FREM2: variants seen among roughly 807,000 people sequenced by gnomAD.
FREM2 encodes FRAS1 related extracellular matrix 2.
FREM2 carries 119 observed loss-of-function variants against 219.9 expected under a neutral mutation model. That is an observed-to-expected ratio of 0.54 (90% CI 0.47 to 0.63). The LOEUF (loss-of-function observed/expected upper bound fraction) is 0.63, where lower values mean the gene tolerates loss of function less well. FREM2 is among the 30% of genes least tolerant of loss of function. The pLI, the probability that FREM2 is intolerant of heterozygous loss-of-function variation, is 0.00. For synonymous variants in FREM2, 1,562 were observed against 1,522.8 expected (o/e 1.03, Z -0.60); for missense variants, 4,030 against 3,993.6 (o/e 1.01, Z -0.25).
At chr13:38,862,527 T>C (rs988092715) in intron 15 of FREM2, among the ~76,000 whole-genome samples, 22 of 152,214 alleles carry the variant, frequency 1.4e-4, no homozygotes, top group Non-Finnish European at 2.9e-4. Context: ...CTTTGCGTTT[T>C]CTGAATGCAC....
At chr13:38,880,154 TTAAG>T (rs1404038269) in intron 23 of FREM2, 126 bp from the exon 24 acceptor site, 14 of 1,007,126 alleles carry the variant, frequency 1.4e-5, no homozygotes, top group Admixed American at 1.0e-4. Context: ...TTCAAAAATA[TTAAG>T]TAAGTTAATT....
chr13:38,793,428 C>T (rs1174517911), intron 6 of FREM2, among the ~76,000 whole-genome samples: 2 of 152,148 alleles, frequency 1.3e-5, no homozygotes, highest in East Asian at 1.9e-4. Context: ...GAGAAATTCA[C>T]AAGTGCACTG....
rs780279296 is a variant in FREM2 at position 38,784,608 on chromosome 13, T to C, written c.5819T>C (p.Ile1940Thr). 1 of 1,614,198 alleles carries C rather than the reference T, an allele frequency of 6.2e-7. No individual in the cohort carries two copies. The highest frequency in any genetic ancestry group is 8.5e-7 in the Non-Finnish European group (1 of 1,180,000). ...PTSVLSYSDY[I>T]SRPEDHTSVV... The stretch of plus-strand genomic sequence containing the variant: ...TCCGTGTTGTCTTACTCTGATTACA[T>C]ATCCAGGCCTGAGGACCACACCAGT... Residue 1940 changes from isoleucine (I) to threonine (T), a missense_variant, in exon 6 of 24, where the codon ATA becomes ACA. Around this residue, in one of 2 missense-constraint regions of FREM2, gnomAD observed 3,102 missense variants for 2,950.7 expected, o/e 1.05. Coordinates refer to ENST00000280481, the MANE Select transcript of FREM2 (RefSeq NM_207361.6).
chr13:38,787,737 TTTA>T (rs1874387849), intron 6 of FREM2, among the ~76,000 whole-genome samples: 1 of 149,698 alleles, frequency 6.7e-6, no homozygotes, highest in Non-Finnish European at 1.5e-5. Context: ...ATTATTGTTA[TTTA>T]TTAATGTTAT....
intron 4 of FREM2, among the ~76,000 whole-genome samples, chr13:38,776,125 G>C (rs1873860942): frequency 6.6e-6 from 1 of 152,194 alleles, no homozygotes; most frequent in Non-Finnish European, 1.5e-5. Flanking sequence ...CCATAGAAAT[G>C]TAAGAAAGCT....
Position 38,769,592 on chromosome 13 carries a change from G to A in FREM2, c.5425G>A (p.Asp1809Asn), listed in dbSNP as rs1258910921. The change falls in exon 4 of 24, where the codon GAC (aspartate) becomes AAC (asparagine). Residue 1809 changes from aspartate to asparagine, a missense_variant. Coordinates refer to ENST00000280481, the MANE Select transcript of FREM2 (RefSeq NM_207361.6). ...ETSFISIGTR[D>N]RTAEKDKDFK... ...TTTTTGTGAAGGTATTGGCACAAGAGACAGAACTGCAGAAAAAGACAAAGA... is the reference window on the plus strand; with the variant it reads ...TTTTTGTGAAGGTATTGGCACAAGAAACAGAACTGCAGAAAAAGACAAAGA... 1 of 1,613,848 alleles carries A rather than the reference G, an allele frequency of 6.2e-7. No homozygotes were observed. The highest frequency in any genetic ancestry group is 1.1e-5 in the South Asian group (1 of 91,062).
chr13:38,873,016 AAAGTAG>A (rs1340498434), intron 17 of FREM2, 82 bp downstream of exon 17: 2 of 1,087,552 alleles, frequency 1.8e-6, no homozygotes, highest in African/African-American at 3.1e-5. Flanking sequence ...GCCATTGCTA[AAAGTAG>A]TACTAGCAAA....
At position 38,850,086 on chromosome 13, in the gene FREM2, A is replaced by G; in HGVS notation, c.6428A>G (p.Asp2143Gly). Reference sequence around the variant, plus strand: ...CGAATATATACTGGCAGCGAAAGTGATGGGCAGATAGTTACAATGATCCAT... The same window carrying G: ...CGAATATATACTGGCAGCGAAAGTGGTGGGCAGATAGTTACAATGATCCAT... Reference protein sequence around the residue: ...KERIYTGSESDGQIVTMIHRT... With the variant: ...KERIYTGSESGGQIVTMIHRT... Residue 2143 changes from aspartate (D) to glycine (G), a missense_variant, in exon 9 of 24, where the codon GAT (aspartate) becomes GGT (glycine). Asp to Gly is a moderately conservative substitution (Grantham distance 94, BLOSUM62 -1). Transcript: ENST00000280481. 1 of 1,614,040 alleles carries G rather than the reference A, an allele frequency of 6.2e-7. No homozygotes were observed. The highest frequency in any genetic ancestry group is 8.5e-7 in the Non-Finnish European group (1 of 1,179,924).
intron 2 of FREM2, among the ~76,000 whole-genome samples, chr13:38,716,880 C>T (rs1871024779): frequency 6.6e-6 from 1 of 152,188 alleles, no homozygotes; most frequent in Non-Finnish European, 1.5e-5. Flanking sequence ...TATGTGTACA[C>T]GCATAGACAA....
chr13:38,733,780 T>G (rs1248427884), intron 2 of FREM2, among the ~76,000 whole-genome samples: 1 of 152,190 alleles, frequency 6.6e-6, no homozygotes, highest in African/African-American at 2.4e-5. Flanking sequence ...AGTGCTAGGA[T>G]TATAGTCATG....
chr13:38,704,575 A>G (rs1479123494), intron 2 of FREM2, among the ~76,000 whole-genome samples: 3 of 152,150 alleles, frequency 2.0e-5, no homozygotes, highest in Admixed American at 6.5e-5. Context: ...CCATGAACAA[A>G]CCAGAGAAGG....
intron 4 of FREM2, among the ~76,000 whole-genome samples, chr13:38,772,899 G>A (rs1007394154): frequency 6.6e-6 from 1 of 151,850 alleles, no homozygotes; most frequent in Non-Finnish European, 1.5e-5. Context: ...GTTTCACCAC[G>A]TTGGCCAGGC....
At chr13:38,805,723 A>G (rs1451161291) in intron 6 of FREM2, among the ~76,000 whole-genome samples, 1 of 151,994 alleles carries the variant, frequency 6.6e-6, no homozygotes, top group African/African-American at 2.4e-5. Flanking sequence ...TTACCAGACT[A>G]TATTTCTACT....
At chr13:38,698,931 G>A (rs540229247) in intron 2 of FREM2, among the ~76,000 whole-genome samples, 1 of 152,222 alleles carries the variant, frequency 6.6e-6, no homozygotes, top group South Asian at 2.1e-4. Flanking sequence ...TCATGTGAGT[G>A]CCTTTATTTT....
intron 4 of FREM2, among the ~76,000 whole-genome samples, chr13:38,771,044 CTACAGAG>C (rs1160339123): frequency 1.3e-5 from 2 of 152,154 alleles, no homozygotes; most frequent in Admixed American, 6.5e-5. Context: ...AAGATACAAT[CTACAGAG>C]TACATGAAAT....
chr13:38,759,888 G>A (rs897232542), intron 2 of FREM2, among the ~76,000 whole-genome samples: 32 of 152,090 alleles, frequency 2.1e-4, no homozygotes, highest in African/African-American at 7.5e-4. Context: ...TAGTAAATAA[G>A]GTATCTTTCT....
At chr13:38,739,354 T>C (rs1469177481) in intron 2 of FREM2, among the ~76,000 whole-genome samples, 1 of 152,202 alleles carries the variant, frequency 6.6e-6, no homozygotes, top group African/African-American at 2.4e-5. Flanking sequence ...CAGGGAGACC[T>C]ACTGGCATAC....
At chr13:38,849,796 A>G (rs1042647093) in intron 8 of FREM2, among the ~76,000 whole-genome samples, 10 of 152,140 alleles carry the variant, frequency 6.6e-5, no homozygotes, top group African/African-American at 1.7e-4. Flanking sequence ...GGTTTTATCT[A>G]CTTTTTAACA....
At chr13:38,780,012 T>C (rs1427229333) in intron 4 of FREM2, among the ~76,000 whole-genome samples, 1 of 152,210 alleles carries the variant, frequency 6.6e-6, no homozygotes, top group Non-Finnish European at 1.5e-5. Flanking sequence ...AGATCCATTC[T>C]CTTCTTTATC....
Sources: gnomAD v4.1 joint callset for allele counts (sites outside exome capture counted in the v4.1 genomes callset) on GRCh38, gnomAD v4.1.1 for gene constraint, gnomAD v4.1.1 regional missense constraint, MANE v1.5 for transcripts, NCBI Gene and HGNC (gene_info 2026-07-23, HGNC 2026-07-21) for gene names.